The following CCSER1 variants were observed in gnomAD, a reference collection of about 807,000 sequenced individuals.
The protein encoded by CCSER1 is coiled-coil serine rich protein 1, also known as serine-rich coiled-coil domain-containing protein 1.
In CCSER1, 41 loss-of-function variants were observed where a neutral mutation model predicts 82.0. The ratio of observed to expected loss-of-function variants is 0.50; its 90% confidence interval spans 0.39 to 0.65. The LOEUF (loss-of-function observed/expected upper bound fraction) is 0.65. Ranked by LOEUF, CCSER1 falls within the 30% of genes least tolerant of loss-of-function variation. The probability of loss-of-function intolerance (pLI) is 0.00; values close to 1 mark genes in which losing one functional copy is unlikely to be tolerated. For synonymous variants in CCSER1, 414 were observed against 383.9 expected (o/e 1.08, Z -0.92); for missense variants, 1,119 against 1,064.2 (o/e 1.05, Z -0.72).
intron 5 of CCSER1, among the ~76,000 whole-genome samples, chr4:90,601,197 G>C (rs1005821118): frequency 6.6e-6 from 1 of 151,984 alleles, no homozygotes; most frequent in Non-Finnish European, 1.5e-5. Context: ...ATGTTGAGCA[G>C]CAGTGGAAAC....
chr4:91,463,210 T>C (rs1001006497), intron 10 of CCSER1, among the ~76,000 whole-genome samples: 2 of 152,214 alleles, frequency 1.3e-5, no homozygotes, highest in South Asian at 2.1e-4. Context: ...CAATAATCGC[T>C]GTTCTGCAGC....
At chr4:90,967,220 G>A (rs1392760885) in intron 9 of CCSER1, among the ~76,000 whole-genome samples, 1 of 152,062 alleles carries the variant, frequency 6.6e-6, no homozygotes. Flanking sequence ...GGCCGAGGTG[G>A]GAAGATCAGC....
intron 7 of CCSER1, chr4:90,781,596 T>C (rs1753791347): frequency 1.0e-6 from 1 of 977,028 alleles, no homozygotes; most frequent in Non-Finnish European, 1.2e-6. Flanking sequence ...CCTTATAAGA[T>C]TGAAAACAAT....
intron 8 of CCSER1, among the ~76,000 whole-genome samples, chr4:90,849,571 T>C (rs1380473347): frequency 2.0e-5 from 3 of 151,818 alleles, no homozygotes; most frequent in Non-Finnish European, 4.4e-5. Flanking sequence ...GGGTGGATCA[T>C]GAGGTCAGGA....
intron 3 of CCSER1, among the ~76,000 whole-genome samples, chr4:90,358,067 A>T (rs1744666188): frequency 6.6e-6 from 1 of 152,088 alleles, no homozygotes; most frequent in Admixed American, 6.6e-5. Flanking sequence ...AACTTTAGTG[A>T]GATAACTTTT....
At chr4:90,386,407 C>T (rs1750059098) in intron 3 of CCSER1, among the ~76,000 whole-genome samples, 1 of 151,820 alleles carries the variant, frequency 6.6e-6, no homozygotes, top group Non-Finnish European at 1.5e-5. Flanking sequence ...AAGAGGACAC[C>T]CTATTCAGTA....
intron 10 of CCSER1, among the ~76,000 whole-genome samples, chr4:91,086,709 A>T (rs374089876): frequency 3.1e-4 from 47 of 152,228 alleles, no homozygotes; most frequent in African/African-American, 1.1e-3. Context: ...GAGGAAAAAA[A>T]TCTTACTGTC....
chr4:90,577,091 T>A (rs1017228412), intron 5 of CCSER1, among the ~76,000 whole-genome samples: 3 of 152,146 alleles, frequency 2.0e-5, no homozygotes, highest in African/African-American at 7.2e-5. Flanking sequence ...TAGTGGTATC[T>A]CATTTTAATT....
At chr4:90,471,573 T>A (rs1764400883) in intron 5 of CCSER1, among the ~76,000 whole-genome samples, 1 of 152,128 alleles carries the variant, frequency 6.6e-6, no homozygotes, top group South Asian at 2.1e-4. Flanking sequence ...GTAATTTTTT[T>A]GCAACAAATA....
intron 3 of CCSER1, among the ~76,000 whole-genome samples, chr4:90,365,419 A>G (rs938375763): frequency 5.3e-5 from 8 of 151,764 alleles, no homozygotes; most frequent in African/African-American, 1.9e-4. Flanking sequence ...TGTTCCTTCT[A>G]TTTCCTTCTC....
At chr4:90,862,631 A>G (rs1047124878) in intron 8 of CCSER1, among the ~76,000 whole-genome samples, 1 of 151,934 alleles carries the variant, frequency 6.6e-6, no homozygotes, top group African/African-American at 2.4e-5. Context: ...CAGCAATTCA[A>G]GATGGAAATA....
intron 4 of CCSER1, among the ~76,000 whole-genome samples, chr4:90,453,020 G>A (rs902147773): frequency 6.6e-6 from 1 of 152,110 alleles, no homozygotes; most frequent in Admixed American, 6.5e-5. Flanking sequence ...GGGACATAAA[G>A]GATAATGTAT....
chr4:91,155,786 A>G (rs901457429), intron 10 of CCSER1, among the ~76,000 whole-genome samples: 1 of 151,988 alleles, frequency 6.6e-6, no homozygotes, highest in African/African-American at 2.4e-5. Flanking sequence ...GGATGGAGAA[A>G]CAGTAAAAAT....
chr4:90,732,036 T>TCA, intron 7 of CCSER1, among the ~76,000 whole-genome samples: 1 of 132,544 alleles, frequency 7.5e-6, no homozygotes, highest in Middle Eastern at 4.0e-3. Flanking sequence ...TTTCTCTCTC[T>TCA]CTCTCTCTCT....
At chr4:90,365,963 T>A (rs1746207950) in intron 3 of CCSER1, among the ~76,000 whole-genome samples, 1 of 151,844 alleles carries the variant, frequency 6.6e-6, no homozygotes, top group Non-Finnish European at 1.5e-5. Flanking sequence ...TACTACAGCA[T>A]TTTTGTCTGA....
intron 9 of CCSER1, among the ~76,000 whole-genome samples, chr4:91,044,644 G>T (rs1383237793): frequency 4.6e-5 from 7 of 151,888 alleles, no homozygotes; most frequent in Non-Finnish European, 8.8e-5. Context: ...CCATCTCAGG[G>T]CCTTTTACAC....
chr4:90,573,804 GACAAATAAAGC>G (rs1323339534), intron 5 of CCSER1, among the ~76,000 whole-genome samples: 2 of 151,956 alleles, frequency 1.3e-5, no homozygotes, highest in Non-Finnish European at 2.9e-5. Context: ...GTAGCCAATT[GACAAATAAAGC>G]ACCTGCTTCT....
At chr4:91,559,163 AT>A (rs780172874) in intron 10 of CCSER1, among the ~76,000 whole-genome samples, 2 of 151,404 alleles carry the variant, frequency 1.3e-5, no homozygotes, top group Admixed American at 6.6e-5. Flanking sequence ...TGGAAATCCC[AT>A]TTTTTTTGAG....
At chr4:91,503,358 A>T (rs1274898717) in intron 10 of CCSER1, among the ~76,000 whole-genome samples, 1 of 151,866 alleles carries the variant, frequency 6.6e-6, no homozygotes, top group African/African-American at 2.4e-5. Context: ...AAAAAAAAGA[A>T]AAAAAGAAAG....
Sources: allele counts gnomAD v4.1 joint callset (sites outside exome capture counted in the v4.1 genomes callset), GRCh38; gene constraint gnomAD v4.1.1; transcripts MANE v1.5; gene names NCBI Gene and HGNC (gene_info 2026-07-23, HGNC 2026-07-21).